Variants in ARAP3 observed in about 807,000 individuals in gnomAD.
ARAP3 encodes the protein ArfGAP with RhoGAP domain, ankyrin repeat and PH domain 3, also known as arf-GAP with Rho-GAP domain, ANK repeat and PH domain-containing protein 3.
ARAP3 carries 82 observed loss-of-function variants against 169.2 expected under a neutral mutation model. The observed-to-expected ratio is 0.48, with a 90% CI of 0.41 to 0.58. The LOEUF (loss-of-function observed/expected upper bound fraction) is 0.58. Ranked by LOEUF, ARAP3 falls within the 20% of genes least tolerant of loss-of-function variation. The probability of loss-of-function intolerance (pLI) is 0.00; values close to 1 mark genes in which losing one functional copy is unlikely to be tolerated. For missense variants in ARAP3, 1,764 were observed against 2,018.0 expected (o/e 0.87, Z 2.41); for synonymous variants, 791 against 800.3 (o/e 0.99, Z 0.20).
chr5:141,667,558 C>T (rs961809366), intron 16 of ARAP3, among the ~76,000 whole-genome samples: 1 of 150,470 alleles, frequency 6.6e-6, no homozygotes, highest in Non-Finnish European at 1.5e-5. Context: ...CTCAGCCTCC[C>T]GAGTAGCTGG....
In ARAP3 at chr5:141,659,792, A is replaced by G. The variant is rs750467428; in HGVS notation, c.3254T>C (p.Ile1085Thr). 23 of 1,612,446 alleles carry G rather than the reference A, an allele frequency of 1.4e-5. No homozygotes were observed. The highest frequency in any genetic ancestry group is 1.9e-5 in the Non-Finnish European group (22 of 1,179,138). The change falls in exon 22 of 33, where the codon ATC becomes ACC. Residue 1085 changes from isoleucine (I) to threonine (T), a missense_variant. Physicochemically the swap from Ile to Thr is moderately conservative, Grantham distance 89. Around this residue, in one of 3 missense-constraint regions of ARAP3, gnomAD observed 1,112 missense variants for 1,285.7 expected, o/e 0.86. Coordinates refer to ENST00000239440, the MANE Select transcript of ARAP3 (RefSeq NM_022481.6). ...GGAAAGCCTTACATCAAAGACAGAG[A>G]TGTAGCCATCAATGAGCTCTTGCAG... Reference protein sequence around the residue: ...RVLQELIDGYISVFDIDSDQV... With the variant: ...RVLQELIDGYTSVFDIDSDQV...
At chr5:141,681,003 A>G (rs1177544448) in intron 1 of ARAP3, among the ~76,000 whole-genome samples, 2 of 152,048 alleles carry the variant, frequency 1.3e-5, no homozygotes, top group East Asian at 1.9e-4. Context: ...TCTTGTTTCC[A>G]GAGCCGATGT....
rs766718819 is a variant in ARAP3 at position 141,655,605 on chromosome 5, G to C, written c.4110+16C>G. 2.5e-6 allele frequency: 4 copies of C among 1,613,870 alleles called. No individual in the cohort carries two copies. The highest frequency in any genetic ancestry group is 1.3e-5 in the African/African-American group (1 of 74,912). ...ACACGACAGGAATCGGGTTGGGGCAGGGTGGGGTGCCTTACCAGGGTCTGA... is the reference window on the plus strand; with the variant it reads ...ACACGACAGGAATCGGGTTGGGGCACGGTGGGGTGCCTTACCAGGGTCTGA... On this transcript the variant is annotated intron_variant, in intron 31 of 32. Transcript: ENST00000239440.
chr5:141,661,013 G>T (rs1304853338), intron 21 of ARAP3, among the ~76,000 whole-genome samples: 1 of 151,402 alleles, frequency 6.6e-6, no homozygotes, highest in Admixed American at 6.6e-5. Context: ...CTATAGTTAA[G>T]AATTTTATGA....
rs1355168726 is a variant in ARAP3 at position 141,656,238 on chromosome 5, G to C, written c.3828C>G (p.Ala1276=). ...TCTTGCGGATTCCCAGGTAGACCTTGGCACCTTCCAAAGGCCACTCCCGTT... is the reference window on the plus strand; with the variant it reads ...TCTTGCGGATTCCCAGGTAGACCTTCGCACCTTCCAAAGGCCACTCCCGTT... ...KPEREWPLEG[A]KVYLGIRKKL... is the part of the protein sequence containing the mutation. The change falls in exon 28 of 33, where the codon GCC becomes GCG. Residue 1276 remains alanine, a synonymous_variant. Coordinates refer to ENST00000239440, the MANE Select transcript of ARAP3 (RefSeq NM_022481.6). 1 of 1,614,012 alleles carries C rather than the reference G, an allele frequency of 6.2e-7. No individual in the cohort carries two copies. The highest frequency in any genetic ancestry group is 2.2e-5 in the East Asian group (1 of 44,888).
chr5:141,661,914 C>G, intron 20 of ARAP3, 125 bp from the exon 21 acceptor site: 1 of 1,498,452 alleles, frequency 6.7e-7, no homozygotes, highest in East Asian at 2.3e-5. Flanking sequence ...CCACCTCCCC[C>G]TGAGCCAAGT....
intron 4 of ARAP3, among the ~76,000 whole-genome samples, chr5:141,677,944 C>T (rs1447637933): frequency 1.4e-5 from 2 of 143,598 alleles, no homozygotes; most frequent in Admixed American, 7.5e-5. Context: ...GCCACCACCC[C>T]CAGCTATTTT....
Position 141,680,278 on chromosome 5 carries a change from G to GAGCC in ARAP3, c.205_208dup (p.Ser70TrpfsTer9). The GAGCC allele has an allele frequency of 3.1e-6, 5 of 1,614,214 alleles. No homozygotes were observed. The highest frequency in any genetic ancestry group is 4.2e-6 in the Non-Finnish European group (5 of 1,180,026). On this transcript the variant is annotated frameshift_variant, in exon 2 of 33. Coordinates refer to ENST00000239440, the MANE Select transcript of ARAP3 (RefSeq NM_022481.6). LOFTEE classifies it high-confidence loss of function. Reference sequence around the variant, plus strand: ...GGCACTATCTGATTTGGGATCCAGGGAGCCCTCTTCGGTGCCTGTCTGTAG... The same window carrying GAGCC: ...GGCACTATCTGATTTGGGATCCAGGGAGCCAGCCCTCTTCGGTGCCTGTCTGTAG...
intron 19 of ARAP3, 88 bp from the exon 20 acceptor site, chr5:141,662,343 G>A: frequency 1.1e-5 from 14 of 1,259,868 alleles, no homozygotes; most frequent in Non-Finnish European, 1.5e-5. Context: ...TATGTGGTAT[G>A]TGGCTGATGG....
In ARAP3 at chr5:141,664,408, C is replaced by CA. The variant is rs950977353; in HGVS notation, c.2800+513dup. On this transcript the variant is annotated intron_variant, in intron 19 of 32. Coordinates refer to ENST00000239440, the MANE Select transcript of ARAP3 (RefSeq NM_022481.6). ...CAAAAAAAAAGCAAACAACAACAAC[C>CA]AAAAAAACTCACAAAGAATTATGGG... is the stretch of plus-strand genomic sequence containing the variant. 2.6e-5 allele frequency among the ~76,000 whole-genome samples: 4 copies of CA among 152,026 alleles called. No homozygotes were observed. The East Asian group carries it at 5.8e-4, about 22-fold the overall frequency.
intron 4 of ARAP3, among the ~76,000 whole-genome samples, chr5:141,676,589 C>G (rs2099912220): frequency 6.6e-6 from 1 of 152,214 alleles, no homozygotes; most frequent in African/African-American, 2.4e-5. Flanking sequence ...CAGCAGACCC[C>G]TCAGCAGCGT....
chr5:141,671,719 G>A lies in ARAP3; in HGVS notation c.1705C>T (p.Arg569Cys), dbSNP rs188329291. The A allele has an allele frequency of 4.4e-5, 70 of 1,606,664 alleles. No individual in the cohort carries two copies. Among genetic ancestry groups the A allele is most frequent in the East Asian group, 3.3e-4 (15 of 44,838 alleles). The change falls in exon 12 of 33, where the codon CGC becomes TGC. Residue 569 changes from arginine to cysteine, a missense_variant. Coordinates refer to ENST00000239440, the MANE Select transcript of ARAP3 (RefSeq NM_022481.6). This position sits in a 1 kb window ranked among gnomAD's most constrained non-coding sequence, Gnocchi z 4.9. ...FIVLGNDRANRFWAGTLPPGE... is the reference protein window; with the variant it reads ...FIVLGNDRANCFWAGTLPPGE... ...GGGGGTAGGGTCCCTGCCCAGAAGC[G>A]GTTGGCACGATCATTTCCCAGGACA...
intron 4 of ARAP3, among the ~76,000 whole-genome samples, chr5:141,678,568 A>T (rs1171144205): frequency 4.7e-5 from 7 of 149,322 alleles, no homozygotes; most frequent in Admixed American, 2.7e-4. Context: ...AGTCACTGCT[A>T]CCTCCACCTC....
chr5:141,672,564 T>C lies in ARAP3; in HGVS notation c.1373A>G (p.His458Arg). The C allele has an allele frequency of 6.2e-7, 1 of 1,614,028 alleles. No individual in the cohort carries two copies. The highest frequency in any genetic ancestry group is 8.5e-7 in the Non-Finnish European group (1 of 1,179,966). The change falls in exon 9 of 33, where the codon CAT becomes CGT. Residue 458 changes from histidine (H) to arginine (R), a missense_variant. Physicochemically the swap from His to Arg is conservative, Grantham distance 29 (BLOSUM62 0). This residue lies in a region of ARAP3 where 630 missense variants were observed against 678.7 expected (regional missense o/e 0.93). Coordinates refer to ENST00000239440, the MANE Select transcript of ARAP3 (RefSeq NM_022481.6). This position sits in a 1 kb window ranked among gnomAD's most constrained non-coding sequence, Gnocchi z 4.9. ...GCCCAGGCCCCACCTGAAGCAGCGATGGGGTGTGAGCAGGTCAAAGCTTCG... is the reference window on the plus strand; with the variant it reads ...GCCCAGGCCCCACCTGAAGCAGCGACGGGGTGTGAGCAGGTCAAAGCTTCG... Reference protein sequence around the residue: ...KSRSFDLLTPHRCFSFTAESG... With the variant: ...KSRSFDLLTPRRCFSFTAESG...
chr5:141,679,275 C>T (rs1164643624), intron 4 of ARAP3, among the ~76,000 whole-genome samples: 1 of 152,130 alleles, frequency 6.6e-6, no homozygotes, highest in Non-Finnish European at 1.5e-5. Context: ...GGCAACAAGG[C>T]AAGACTCCGT....
rs1258952024 is a variant in ARAP3 at position 141,671,214 on chromosome 5, T to C, written c.1990+51A>G. 6.5e-7 allele frequency: 1 copy of C among 1,544,914 alleles called. No individual in the cohort carries two copies. Among genetic ancestry groups the C allele is most frequent in the East Asian group, 2.3e-5 (1 of 44,176 alleles). ...CCCCTTGGAAGAACTGAATCATAGGTTGGGTCTGAGAATTCCTGTAGGGGA... is the reference window on the plus strand; with the variant it reads ...CCCCTTGGAAGAACTGAATCATAGGCTGGGTCTGAGAATTCCTGTAGGGGA... On this transcript the variant is annotated intron_variant, in intron 13 of 32. Transcript: ENST00000239440. The surrounding 1 kb of genome is among the most constrained non-coding windows in gnomAD (Gnocchi z 4.9).
At chr5:141,681,769 G>A (rs2099913014) in intron 1 of ARAP3, among the ~76,000 whole-genome samples, 1 of 152,142 alleles carries the variant, frequency 6.6e-6, no homozygotes, top group African/African-American at 2.4e-5. Context: ...TCGGTGACCA[G>A]GACGCCCTCT....
At chr5:141,665,148 C>T (rs2099910467) in intron 18 of ARAP3, 63 bp from the exon 19 acceptor site, 2 of 1,569,432 alleles carry the variant, frequency 1.3e-6, no homozygotes, top group African/African-American at 1.4e-5. Flanking sequence ...GGGGACCAGA[C>T]TTCCCAGAGC....
chr5:141,664,872 A>ACC, intron 19 of ARAP3, 50 bp downstream of exon 19: 1 of 202,010 alleles, frequency 5.0e-6, no homozygotes, highest in Non-Finnish European at 1.0e-5. Flanking sequence ...CCCCCTCATC[A>ACC]CCCCCACCCC....
Sources: gnomAD v4.1 joint callset for allele counts (sites outside exome capture counted in the v4.1 genomes callset) on GRCh38, gnomAD v4.1.1 for gene constraint, gnomAD v4.1.1 regional missense constraint, Gnocchi (gnomAD v3.1) non-coding constraint, MANE v1.5 for transcripts, NCBI Gene and HGNC (gene_info 2026-07-23, HGNC 2026-07-21) for gene names.